The following DLGAP2 variants were observed in gnomAD, a reference collection of about 807,000 sequenced individuals.
DLGAP2 encodes DLG associated protein 2.
DLGAP2 carries 26 observed loss-of-function variants against 100.3 expected under a neutral mutation model. The observed-to-expected ratio is 0.26, with a 90% CI of 0.19 to 0.36. The LOEUF (loss-of-function observed/expected upper bound fraction) is 0.36, where lower values mean the gene tolerates loss of function less well. Ranked by LOEUF, DLGAP2 falls within the 10% of genes least tolerant of loss-of-function variation. DLGAP2 has a pLI of 1.00. For missense variants in DLGAP2, 1,858 were observed against 1,453.2 expected (o/e 1.28, Z -4.53); for synonymous variants, 886 against 630.1 (o/e 1.41, Z -6.08).
intron 2 of DLGAP2, among the ~76,000 whole-genome samples, chr8:1,089,851 C>G (rs1804113098): frequency 6.6e-6 from 1 of 152,222 alleles, no homozygotes; most frequent in African/African-American, 2.4e-5. Context: ...TTGGGAGACA[C>G]TCGGGGGTTG....
At chr8:1,006,907 C>CG (rs1451350503) in intron 2 of DLGAP2, among the ~76,000 whole-genome samples, 1 of 147,360 alleles carries the variant, frequency 6.8e-6, no homozygotes, top group Non-Finnish European at 1.5e-5. Flanking sequence ...TTTATCACGT[C>CG]GGGGGCGCCC....
chr8:1,373,411 C>A (rs1048254467), intron 3 of DLGAP2, among the ~76,000 whole-genome samples: 2 of 152,180 alleles, frequency 1.3e-5, no homozygotes, highest in Non-Finnish European at 2.9e-5. Context: ...CGTCCCCGGG[C>A]TTCCTGCCCG....
At chr8:1,372,551 G>A (rs1802267361) in intron 3 of DLGAP2, among the ~76,000 whole-genome samples, 2 of 152,108 alleles carry the variant, frequency 1.3e-5, no homozygotes, top group South Asian at 4.1e-4. Flanking sequence ...CAGGGTTTTA[G>A]GAGCATCACT....
intron 1 of DLGAP2, among the ~76,000 whole-genome samples, chr8:784,270 C>G: frequency 6.6e-6 from 1 of 152,124 alleles, no homozygotes; most frequent in East Asian, 1.9e-4. Context: ...GTCAAGAAGA[C>G]AGTTTTATCA....
chr8:1,614,170 C>A (rs1384862047), intron 6 of DLGAP2, among the ~76,000 whole-genome samples: 1 of 152,168 alleles, frequency 6.6e-6, no homozygotes, highest in African/African-American at 2.4e-5. Context: ...CTCATGGGAT[C>A]CTTCACAAAC....
intron 2 of DLGAP2, among the ~76,000 whole-genome samples, chr8:1,198,894 A>C (rs1218836930): frequency 6.6e-6 from 1 of 152,230 alleles, no homozygotes; most frequent in African/African-American, 2.4e-5. Flanking sequence ...GCAGGTGCAC[A>C]GGGAAGGGTG....
At chr8:1,590,436 C>G (rs978858470) in intron 6 of DLGAP2, among the ~76,000 whole-genome samples, 7 of 152,236 alleles carry the variant, frequency 4.6e-5, no homozygotes, top group African/African-American at 1.4e-4. Context: ...AATGTATGGT[C>G]AAATATAGGA....
chr8:1,668,837 A>C (rs992688879), intron 9 of DLGAP2, among the ~76,000 whole-genome samples, 159 bp downstream of exon 9: 2 of 152,194 alleles, frequency 1.3e-5, no homozygotes, highest in Non-Finnish European at 2.9e-5. Context: ...TTCGCCTTGC[A>C]GACCTGCCAG....
intron 2 of DLGAP2, among the ~76,000 whole-genome samples, chr8:1,162,100 C>T (rs765917270): frequency 7.9e-5 from 12 of 152,308 alleles, no homozygotes; most frequent in Non-Finnish European, 1.3e-4. Flanking sequence ...CATTAATGCC[C>T]GTAAGCCCGT....
intron 6 of DLGAP2, among the ~76,000 whole-genome samples, chr8:1,624,628 C>T (rs1320012034): frequency 6.6e-6 from 1 of 151,946 alleles, no homozygotes; most frequent in African/African-American, 2.4e-5. Context: ...TCCGTGTTAG[C>T]TCGCCTTCTG....
intron 2 of DLGAP2, among the ~76,000 whole-genome samples, chr8:1,094,042 G>A (rs1804284872): frequency 6.6e-6 from 1 of 151,658 alleles, no homozygotes; most frequent in African/African-American, 2.4e-5. Flanking sequence ...TGGAGGGAGG[G>A]CAGCTCCGCG....
intron 1 of DLGAP2, among the ~76,000 whole-genome samples, chr8:800,949 C>T (rs1563038260): frequency 1.6e-5 from 1 of 63,278 alleles, no homozygotes; most frequent in Non-Finnish European, 3.7e-5. Flanking sequence ...GCTTGTTGTG[C>T]CCCCCCACCC....
At chr8:1,036,138 C>G (rs1223246647) in intron 2 of DLGAP2, among the ~76,000 whole-genome samples, 5 of 147,768 alleles carry the variant, frequency 3.4e-5, no homozygotes, top group African/African-American at 1.0e-4. Flanking sequence ...ATCCCGACCC[C>G]GCGTGTCACC....
intron 3 of DLGAP2, among the ~76,000 whole-genome samples, chr8:1,489,484 C>G (rs1258366351): frequency 6.6e-6 from 1 of 152,200 alleles, no homozygotes; most frequent in African/African-American, 2.4e-5. Context: ...GTCTTTACCA[C>G]CACCCTTTTC....
intron 6 of DLGAP2, among the ~76,000 whole-genome samples, chr8:1,601,945 G>GATGTGTGTGTGTGTGTGTGTGTGT (rs1554506576): frequency 2.0e-5 from 3 of 146,452 alleles, no homozygotes; most frequent in Middle Eastern, 3.5e-3. Context: ...AATTTAACAG[G>GATGTGTGTGTGTGTGTGTGTGTGT]GTGTGTGTGT....
chr8:1,357,281 G>A (rs1349693083), intron 3 of DLGAP2, among the ~76,000 whole-genome samples: 1 of 152,044 alleles, frequency 6.6e-6, no homozygotes, highest in East Asian at 1.9e-4. Flanking sequence ...GTCCTTCAGG[G>A]CAGTGCTTCT....
chr8:1,426,405 A>G (rs1324984992), intron 3 of DLGAP2, among the ~76,000 whole-genome samples: 2 of 152,214 alleles, frequency 1.3e-5, no homozygotes, highest in Non-Finnish European at 2.9e-5. Flanking sequence ...AATGAACAGC[A>G]TGAAGCAGGA....
At chr8:1,283,081 C>T (rs917004935) in intron 3 of DLGAP2, among the ~76,000 whole-genome samples, 6 of 143,280 alleles carry the variant, frequency 4.2e-5, no homozygotes, top group Non-Finnish European at 9.0e-5. Context: ...GTGAAGCATC[C>T]AGACGTGGTG....
chr8:1,609,534 A>T (rs1466757463), intron 6 of DLGAP2, among the ~76,000 whole-genome samples: 1 of 136,782 alleles, frequency 7.3e-6, no homozygotes, highest in Admixed American at 7.8e-5. Context: ...AAATTCACAC[A>T]TAATATTAAC....
Sources: gnomAD v4.1 joint callset for allele counts (sites outside exome capture counted in the v4.1 genomes callset) on GRCh38, gnomAD v4.1.1 for gene constraint, MANE v1.5 for transcripts, NCBI Gene and HGNC (gene_info 2026-07-23, HGNC 2026-07-21) for gene names.